The following CSMD3 variants were observed in gnomAD, a reference collection of about 807,000 sequenced individuals.
CSMD3 encodes the protein CUB and Sushi multiple domains 3.
In CSMD3, 177 loss-of-function variants were observed where a neutral mutation model predicts 435.2. The ratio of observed to expected loss-of-function variants is 0.41; its 90% CI spans 0.36 to 0.46. The LOEUF is 0.46. Ranked by LOEUF, CSMD3 falls within the 20% of genes least tolerant of loss-of-function variation. The pLI is 0.34. For synonymous variants in CSMD3, 1,656 were observed against 1,520.5 expected (o/e 1.09, Z -2.07); for missense variants, 4,265 against 4,504.6 (o/e 0.95, Z 1.52).
At chr8:112,808,031 A>T (rs2079134160) in intron 12 of CSMD3, among the ~76,000 whole-genome samples, 1 of 152,176 alleles carries the variant, frequency 6.6e-6, no homozygotes, top group South Asian at 2.1e-4. Flanking sequence ...TTACATAAAA[A>T]TAAAATTATT....
intron 5 of CSMD3, among the ~76,000 whole-genome samples, chr8:113,029,782 C>T (rs1161432284): frequency 2.6e-5 from 4 of 151,440 alleles, no homozygotes; most frequent in African/African-American, 9.7e-5. Flanking sequence ...CCAGAGCAAT[C>T]AGACAAGAGA....
intron 28 of CSMD3, among the ~76,000 whole-genome samples, chr8:112,511,841 T>C (rs1362522032): frequency 6.6e-6 from 1 of 152,208 alleles, no homozygotes. Flanking sequence ...AACTAAGTTA[T>C]GTAATATTTG....
intron 24 of CSMD3, among the ~76,000 whole-genome samples, chr8:112,558,761 G>GATC (rs1335046940): frequency 6.6e-6 from 1 of 151,734 alleles, no homozygotes; most frequent in African/African-American, 2.4e-5. Flanking sequence ...TAACTATTAA[G>GATC]ATCATATCAT....
intron 24 of CSMD3, among the ~76,000 whole-genome samples, chr8:112,567,761 T>C (rs1340673947): frequency 6.6e-6 from 1 of 152,110 alleles, no homozygotes; most frequent in Non-Finnish European, 1.5e-5. Flanking sequence ...AACAGAGTGA[T>C]GTTTTAGGAA....
At chr8:113,271,771 A>T (rs1383228705) in intron 3 of CSMD3, among the ~76,000 whole-genome samples, 2 of 152,166 alleles carry the variant, frequency 1.3e-5, no homozygotes, top group Admixed American at 1.3e-4. Context: ...TCCAGACCAC[A>T]GAATGGTAGA....
chr8:112,494,142 C>A lies in CSMD3; in HGVS notation c.5084-1459G>T, dbSNP rs192236468. ...GCATTTTTAAGAAATAATGAGAAAT[C>A]TGTGCTTTAAGAAGAACACTATATA... On this transcript the variant is annotated intron_variant, in intron 30 of 70. Transcript: ENST00000297405. Among the ~76,000 whole-genome samples, 72 of 152,062 alleles carry A rather than the reference C, an allele frequency of 4.7e-4. 2 individuals carry two copies. The highest frequency in any genetic ancestry group is 6.6e-5 in the Admixed American group (1 of 15,260).
intron 3 of CSMD3, among the ~76,000 whole-genome samples, chr8:113,208,546 G>T (rs1197099535): frequency 6.6e-6 from 1 of 151,966 alleles, no homozygotes; most frequent in East Asian, 1.9e-4. Flanking sequence ...TTTCTTTTCT[G>T]TCCACAATAT....
chr8:112,618,713 C>T (rs1184957525), intron 22 of CSMD3, among the ~76,000 whole-genome samples: 1 of 151,936 alleles, frequency 6.6e-6, no homozygotes, highest in Non-Finnish European at 1.5e-5. Context: ...TAGGCCAGAA[C>T]AAAGGCATTA....
chr8:112,287,628 C>T (rs1586659897), intron 57 of CSMD3, among the ~76,000 whole-genome samples: 1 of 152,156 alleles, frequency 6.6e-6, no homozygotes, highest in South Asian at 2.1e-4. Context: ...CTGCAATTTG[C>T]ATGTTTCCTT....
intron 22 of CSMD3, among the ~76,000 whole-genome samples, chr8:112,605,855 ATGTT>A (rs1376411101): frequency 6.6e-6 from 1 of 152,148 alleles, no homozygotes; most frequent in Non-Finnish European, 1.5e-5. Flanking sequence ...AATTTATATT[ATGTT>A]TAATTGTGAT....
chr8:112,654,334 A>G (rs1452111865), intron 18 of CSMD3, among the ~76,000 whole-genome samples: 1 of 152,206 alleles, frequency 6.6e-6, no homozygotes, highest in Non-Finnish European at 1.5e-5. Flanking sequence ...GAAAGGATTT[A>G]TGATGTTGGA....
chr8:112,271,055 ATT>A (rs1817488153), intron 59 of CSMD3, among the ~76,000 whole-genome samples: 1 of 152,092 alleles, frequency 6.6e-6, no homozygotes, highest in Admixed American at 6.6e-5. Flanking sequence ...TTGAACTGAC[ATT>A]GTCATAAATC....
chr8:112,373,081 T>C lies in CSMD3; in HGVS notation c.6136+7271A>G, dbSNP rs1828593620. ...GAAAACACTCACTTGCTGGGAGGAATCTCAGCCAAATTTCCATTTACTAAG... is the reference window on the plus strand; with the variant it reads ...GAAAACACTCACTTGCTGGGAGGAACCTCAGCCAAATTTCCATTTACTAAG... On this transcript the variant is annotated intron_variant, in intron 38 of 70. Transcript: ENST00000297405. Among the ~76,000 whole-genome samples the C allele has an allele frequency of 8.0e-5, 12 of 150,164 alleles. No homozygotes were observed. In the Admixed American group the frequency reaches 8.0e-4, roughly 10 times the overall value.
chr8:112,525,023 G>A (rs1220764439), intron 27 of CSMD3, among the ~76,000 whole-genome samples: 2 of 151,578 alleles, frequency 1.3e-5, no homozygotes, highest in African/African-American at 2.4e-5. Context: ...TCGGTAGCTC[G>A]ACTGATATCA....
At chr8:113,382,135 T>C (rs1423027389) in intron 1 of CSMD3, among the ~76,000 whole-genome samples, 2 of 152,134 alleles carry the variant, frequency 1.3e-5, no homozygotes, top group Admixed American at 1.3e-4. Context: ...TGTGGAATTG[T>C]TTTTACAAAA....
chr8:112,240,117 T>C (rs897398740), intron 66 of CSMD3, among the ~76,000 whole-genome samples: 5 of 152,154 alleles, frequency 3.3e-5, no homozygotes, highest in African/African-American at 1.2e-4. Context: ...TCATGAGTTA[T>C]TTATTATTAC....
At chr8:112,967,983 A>C (rs1278397323) in intron 7 of CSMD3, among the ~76,000 whole-genome samples, 1 of 151,950 alleles carries the variant, frequency 6.6e-6, no homozygotes, top group Non-Finnish European at 1.5e-5. Flanking sequence ...GAGAGTAAGA[A>C]TAGCACTGTC....
At chr8:113,359,422 G>C (rs760530451) in intron 1 of CSMD3, among the ~76,000 whole-genome samples, 1 of 152,182 alleles carries the variant, frequency 6.6e-6, no homozygotes, top group Non-Finnish European at 1.5e-5. Flanking sequence ...TCCCTAAAGT[G>C]CCTGAGAACC....
At chr8:113,115,369 A>C (rs535512939) in intron 4 of CSMD3, among the ~76,000 whole-genome samples, 55 of 152,230 alleles carry the variant, frequency 3.6e-4, no homozygotes, top group Non-Finnish European at 5.9e-4. Context: ...AATTTTCACA[A>C]AATGAGCACA....
Sources: gnomAD v4.1 joint callset for allele counts (sites outside exome capture counted in the v4.1 genomes callset) on GRCh38, gnomAD v4.1.1 for gene constraint, MANE v1.5 for transcripts, NCBI Gene and HGNC (gene_info 2026-07-23, HGNC 2026-07-21) for gene names.